Variants in CACNG2 observed in about 807,000 individuals in gnomAD.
The protein encoded by CACNG2 is voltage-dependent calcium channel gamma-2 subunit.
CACNG2 carries 3 observed loss-of-function variants against 25.9 expected under a neutral mutation model. The ratio of observed to expected loss-of-function variants is 0.12; its 90% confidence interval spans 0.05 to 0.30. The LOEUF is 0.30. CACNG2 is among the 10% of genes least tolerant of loss of function. The pLI, the probability that CACNG2 is intolerant of heterozygous loss-of-function variation, is 1.00. For synonymous variants in CACNG2, 167 were observed against 173.3 expected (o/e 0.96, Z 0.29); for missense variants, 341 against 432.5 (o/e 0.79, Z 1.88).
chr22:36,595,734 C>T (rs1159952524), intron 1 of CACNG2, among the ~76,000 whole-genome samples: 1 of 152,144 alleles, frequency 6.6e-6, no homozygotes, highest in African/African-American at 2.4e-5. Flanking sequence ...CCACCATGAA[C>T]TATAAAGGGT....
chr22:36,613,985 C>T (rs1255732558), intron 1 of CACNG2, among the ~76,000 whole-genome samples: 1 of 152,122 alleles, frequency 6.6e-6, no homozygotes, highest in Admixed American at 6.6e-5. Flanking sequence ...TCTCAGAACA[C>T]CCTCCAACCC....
intron 1 of CACNG2, among the ~76,000 whole-genome samples, chr22:36,679,504 A>G (rs1215629543): frequency 1.3e-5 from 2 of 152,204 alleles, no homozygotes; most frequent in Admixed American, 6.5e-5. Context: ...TCCACTAGGA[A>G]CCAGATTACA....
chr22:36,650,351 C>A (rs1936590543), intron 1 of CACNG2, among the ~76,000 whole-genome samples: 1 of 152,020 alleles, frequency 6.6e-6, no homozygotes, highest in East Asian at 1.9e-4. Context: ...GCTCCAAACA[C>A]ACTGGCCTCC....
At chr22:36,674,599 G>C (rs1206870836) in intron 1 of CACNG2, among the ~76,000 whole-genome samples, 1 of 152,220 alleles carries the variant, frequency 6.6e-6, no homozygotes, top group Non-Finnish European at 1.5e-5. Context: ...AAAGTATTGG[G>C]ATTACAGGCG....
At chr22:36,668,101 G>A (rs1569046360) in intron 1 of CACNG2, among the ~76,000 whole-genome samples, 1 of 152,230 alleles carries the variant, frequency 6.6e-6, no homozygotes, top group South Asian at 2.1e-4. Flanking sequence ...GAGGCTCACT[G>A]CTTTCCGGGG....
At chr22:36,659,112 G>A (rs938709293) in intron 1 of CACNG2, among the ~76,000 whole-genome samples, 2 of 152,176 alleles carry the variant, frequency 1.3e-5, no homozygotes, top group Non-Finnish European at 2.9e-5. Context: ...AAGACGGTGT[G>A]GGCTGAAAAT....
intron 1 of CACNG2, among the ~76,000 whole-genome samples, chr22:36,638,282 G>A (rs935206052): frequency 6.6e-6 from 1 of 152,146 alleles, no homozygotes; most frequent in African/African-American, 2.4e-5. Context: ...GGAGCAGATT[G>A]ACGCAGGTCC....
In CACNG2 at chr22:36,564,894, G is replaced by A; in HGVS notation, c.437-8C>T. ...CAATGATGTTACTCAGACCTGCGGGGCGCAGGGTGGCGGGGTGGGGGATCA... is the reference window on the plus strand; with the variant it reads ...CAATGATGTTACTCAGACCTGCGGGACGCAGGGTGGCGGGGTGGGGGATCA... On this transcript the variant is annotated splice_polypyrimidine_tract_variant and splice_region_variant and intron_variant, in intron 3 of 3. Transcript: ENST00000300105. The surrounding 1 kb of genome is among the most constrained non-coding windows in gnomAD (Gnocchi z 6.7). The A allele has an allele frequency of 6.2e-7, 1 of 1,609,718 alleles. No individual in the cohort carries two copies. The highest frequency in any genetic ancestry group is 8.5e-7 in the Non-Finnish European group (1 of 1,179,726).
chr22:36,639,917 G>A (rs1168573880), intron 1 of CACNG2, among the ~76,000 whole-genome samples: 1 of 152,162 alleles, frequency 6.6e-6, no homozygotes, highest in African/African-American at 2.4e-5. Context: ...TTTTTGAGGA[G>A]GGGCCATTTA....
At chr22:36,643,319 T>C (rs1245753604) in intron 1 of CACNG2, among the ~76,000 whole-genome samples, 2 of 151,824 alleles carry the variant, frequency 1.3e-5, no homozygotes, top group African/African-American at 2.4e-5. Flanking sequence ...CTTCTCTCTC[T>C]CTTTCTCTGT....
intron 2 of CACNG2, among the ~76,000 whole-genome samples, chr22:36,569,458 C>T (rs954138801): frequency 2.0e-5 from 3 of 152,228 alleles, no homozygotes; most frequent in Non-Finnish European, 2.9e-5. Flanking sequence ...GTGCCACTCA[C>T]TTGCTGTGTG....
Position 36,604,505 on chromosome 22 carries a change from C to T in CACNG2, c.212-16957G>A, listed in dbSNP as rs185152610. Among the ~76,000 whole-genome samples, 4 of 152,222 alleles carry T rather than the reference C, an allele frequency of 2.6e-5. No individual in the cohort carries two copies. The East Asian group carries it at 5.8e-4, about 22-fold the overall frequency. On this transcript the variant is annotated intron_variant, in intron 1 of 3. Transcript: ENST00000300105. The stretch of plus-strand genomic sequence containing the variant: ...TCACTTGCTATACAGAAATCTTTTG[C>T]GAAAGGAAGAATCAATTGATGTGGC...
chr22:36,641,664 C>T (rs752036470), intron 1 of CACNG2, among the ~76,000 whole-genome samples: 1 of 152,206 alleles, frequency 6.6e-6, no homozygotes, highest in Non-Finnish European at 1.5e-5. Context: ...CGACGATTCT[C>T]TAGGCAATTG....
chr22:36,640,325 C>T (rs1936423812), intron 1 of CACNG2, among the ~76,000 whole-genome samples: 1 of 152,186 alleles, frequency 6.6e-6, no homozygotes, highest in South Asian at 2.1e-4. Flanking sequence ...TGATGGAACC[C>T]TTTCAAAGCA....
intron 1 of CACNG2, among the ~76,000 whole-genome samples, chr22:36,694,336 T>C (rs1224471193): frequency 6.6e-6 from 1 of 152,204 alleles, no homozygotes; most frequent in African/African-American, 2.4e-5. Flanking sequence ...GTCTTAGAAC[T>C]GAGAGAATAT....
intron 1 of CACNG2, among the ~76,000 whole-genome samples, chr22:36,664,661 C>T (rs1185727057): frequency 2.6e-5 from 4 of 152,206 alleles, no homozygotes; most frequent in Non-Finnish European, 4.4e-5. Context: ...CTAACAAACC[C>T]GAGCTGAGAG....
chr22:36,588,256 G>A (rs1157626217), intron 1 of CACNG2, among the ~76,000 whole-genome samples: 1 of 152,192 alleles, frequency 6.6e-6, no homozygotes, highest in Non-Finnish European at 1.5e-5. Context: ...GCAAGTGCTT[G>A]TGGCTAGGAA....
intron 1 of CACNG2, among the ~76,000 whole-genome samples, chr22:36,639,574 C>T (rs1936411131): frequency 6.6e-6 from 1 of 152,206 alleles, no homozygotes; most frequent in South Asian, 2.1e-4. Context: ...ACCCAACCTC[C>T]TCTGTCCACT....
chr22:36,621,569 CAAA>C (rs386395348), intron 1 of CACNG2, among the ~76,000 whole-genome samples: 3 of 118,842 alleles, frequency 2.5e-5, no homozygotes, highest in Admixed American at 8.3e-5. Context: ...GATTTTGCCT[CAAA>C]AAAAAAAAAA....
Sources: allele counts gnomAD v4.1 joint callset (sites outside exome capture counted in the v4.1 genomes callset), GRCh38; gene constraint gnomAD v4.1.1; non-coding constraint Gnocchi (gnomAD v3.1); transcripts MANE v1.5; gene names NCBI Gene and HGNC (gene_info 2026-07-23, HGNC 2026-07-21).